The following ARL15 variants were observed in gnomAD, a reference collection of about 807,000 sequenced individuals.
The protein encoded by ARL15 is ADP-ribosylation factor-like protein 15.
In ARL15, 19 loss-of-function variants were observed where a neutral mutation model predicts 25.2. The observed-to-expected ratio is 0.75, with a 90% CI of 0.53 to 1.10. The LOEUF (loss-of-function observed/expected upper bound fraction) is 1.10, where lower values mean the gene tolerates loss of function less well. Among genes scored for constraint, ARL15 ranks in the 50% least tolerant of loss-of-function variants. ARL15 has a pLI of 0.00. For synonymous variants in ARL15, 94 were observed against 86.8 expected (o/e 1.08, Z -0.46); for missense variants, 220 against 246.0 (o/e 0.89, Z 0.71).
intron 4 of ARL15, among the ~76,000 whole-genome samples, chr5:53,993,222 C>G: frequency 6.6e-6 from 1 of 152,144 alleles, no homozygotes. Flanking sequence ...TAGTCGTTAG[C>G]CTTGGAACCA....
At chr5:54,061,867 G>C (rs1751072931) in intron 4 of ARL15, among the ~76,000 whole-genome samples, 1 of 152,146 alleles carries the variant, frequency 6.6e-6, no homozygotes, top group Non-Finnish European at 1.5e-5. Flanking sequence ...TCCTCTGACA[G>C]CTCACACCTT....
chr5:54,097,724 A>C (rs1478792821), intron 4 of ARL15, among the ~76,000 whole-genome samples: 7 of 152,226 alleles, frequency 4.6e-5, no homozygotes, highest in Non-Finnish European at 8.8e-5. Flanking sequence ...GGAGTAAAAG[A>C]AGAATAAGAT....
chr5:53,900,863 G>T (rs1745042642), intron 4 of ARL15, among the ~76,000 whole-genome samples: 1 of 152,164 alleles, frequency 6.6e-6, no homozygotes, highest in African/African-American at 2.4e-5. Context: ...AATGAATCGT[G>T]TTGCAAACAG....
chr5:53,992,557 A>G (rs1748536438), intron 4 of ARL15, among the ~76,000 whole-genome samples: 1 of 152,198 alleles, frequency 6.6e-6, no homozygotes, highest in Non-Finnish European at 1.5e-5. Context: ...TGCTTTCACA[A>G]TTTTGTATCT....
intron 4 of ARL15, among the ~76,000 whole-genome samples, chr5:54,090,736 A>T (rs999676357): frequency 2.0e-5 from 3 of 152,154 alleles, no homozygotes; most frequent in Non-Finnish European, 4.4e-5. Flanking sequence ...ATAAAAAAGG[A>T]TAATTATAAA....
intron 1 of ARL15, among the ~76,000 whole-genome samples, chr5:54,263,802 C>T (rs1038749023): frequency 5.3e-5 from 8 of 152,036 alleles, no homozygotes; most frequent in Non-Finnish European, 1.0e-4. Context: ...TTTTAGGCTG[C>T]AAAAATGTAT....
rs1751625542 is a variant in ARL15, at chr5:54,076,825, C to CT, written c.462+36376_462+36377insA. Among the ~76,000 whole-genome samples, 6 of 151,562 alleles carry CT rather than the reference C, an allele frequency of 4.0e-5. No homozygotes were observed. In the East Asian group the frequency reaches 1.2e-3, roughly 29 times the overall value. ...TTAATCCCCCAAACTATGTAGAAAA[C>CT]ATCCATGGAGGAAGACATCAGCGTT... On this transcript the variant is annotated intron_variant, in intron 4 of 4. Transcript: ENST00000504924.
chr5:54,017,389 T>G (rs1038069616), intron 4 of ARL15, among the ~76,000 whole-genome samples: 1 of 152,064 alleles, frequency 6.6e-6, no homozygotes, highest in Non-Finnish European at 1.5e-5. Context: ...TTCTAAGGCA[T>G]TGACACAGAG....
chr5:54,255,572 A>G (rs1757341863), intron 1 of ARL15, among the ~76,000 whole-genome samples: 1 of 152,228 alleles, frequency 6.6e-6, no homozygotes, highest in Admixed American at 6.5e-5. Context: ...AAGTATAAAT[A>G]ACAGGTTGAG....
At chr5:54,224,075 G>A (rs747284674) in intron 1 of ARL15, among the ~76,000 whole-genome samples, 3 of 152,248 alleles carry the variant, frequency 2.0e-5, no homozygotes, top group African/African-American at 7.2e-5. Flanking sequence ...GCCATACAAC[G>A]CAGGGACACA....
At chr5:54,001,933 T>C (rs1748861266) in intron 4 of ARL15, among the ~76,000 whole-genome samples, 1 of 152,214 alleles carries the variant, frequency 6.6e-6, no homozygotes, top group South Asian at 2.1e-4. Flanking sequence ...TTTATAATGA[T>C]ATGATTTATA....
intron 4 of ARL15, among the ~76,000 whole-genome samples, chr5:53,891,849 A>G (rs1744720558): frequency 6.6e-6 from 1 of 152,210 alleles, no homozygotes; most frequent in African/African-American, 2.4e-5. Flanking sequence ...ACGAGACTGG[A>G]GAGTGTGAGA....
chr5:53,926,949 T>A lies in ARL15; in HGVS notation c.463-40236A>T, dbSNP rs537865800. ...CTTCAGTCACCAAGACCTTTTTTTTTAAAAAAAAAAAATAAAGTCCAAAAG... is the reference window on the plus strand; with the variant it reads ...CTTCAGTCACCAAGACCTTTTTTTTAAAAAAAAAAAAATAAAGTCCAAAAG... On this transcript the variant is annotated intron_variant, in intron 4 of 4. Transcript: ENST00000504924. Among the ~76,000 whole-genome samples the A allele has an allele frequency of 3.4e-3, 466 of 136,202 alleles. 1 individual carries two copies. The highest frequency in any genetic ancestry group is 0.017 in the South Asian group (71 of 4,258). The allele number at this position is 136,202 out of a possible 152,430, so 89.4% of individuals were successfully genotyped here. A position where few individuals can be genotyped will look rare whatever the true frequency, so the allele number is the denominator to read the frequency against.
chr5:54,133,641 A>C (rs1753506738), intron 3 of ARL15, among the ~76,000 whole-genome samples: 1 of 152,206 alleles, frequency 6.6e-6, no homozygotes, highest in Non-Finnish European at 1.5e-5. Flanking sequence ...AAACAATGAC[A>C]AATCTAAGTC....
In ARL15 at chr5:53,911,517, G is replaced by A. The variant is rs114691748; in HGVS notation, c.463-24804C>T. 3.5e-3 allele frequency among the ~76,000 whole-genome samples: 528 copies of A among 152,004 alleles called. 6 individuals are homozygous for A. Among genetic ancestry groups the A allele is most frequent in the African/African-American group, 0.012 (502 of 41,454 alleles). On this transcript the variant is annotated intron_variant, in intron 4 of 4. Transcript: ENST00000504924. ...GATGTCATCTGGCATTTTTTAAATT[G>A]ATTGTTTCTCCAAAGTACCTTTAAC...
At chr5:54,058,113 C>A (rs1750944490) in intron 4 of ARL15, among the ~76,000 whole-genome samples, 1 of 151,750 alleles carries the variant, frequency 6.6e-6, no homozygotes, top group African/African-American at 2.4e-5. Context: ...TCAAGTGATT[C>A]CCCTGCCTCA....
At chr5:54,197,017 GT>G (rs1218563522) in intron 1 of ARL15, among the ~76,000 whole-genome samples, 1 of 152,036 alleles carries the variant, frequency 6.6e-6, no homozygotes, top group Non-Finnish European at 1.5e-5. Flanking sequence ...TTCTTCAATA[GT>G]AAAAACACCT....
intron 1 of ARL15, among the ~76,000 whole-genome samples, chr5:54,190,512 TGGAG>T (rs1478424710): frequency 6.6e-6 from 1 of 152,198 alleles, no homozygotes; most frequent in Non-Finnish European, 1.5e-5. Context: ...CTCACAGTTC[TGGAG>T]GCTGGAAAGT....
intron 4 of ARL15, among the ~76,000 whole-genome samples, chr5:53,890,796 A>G (rs1744684034): frequency 2.0e-5 from 3 of 152,226 alleles, no homozygotes; most frequent in South Asian, 2.1e-4. Flanking sequence ...AAGTCCCAAT[A>G]TAACAGAGAC....
Sources: gnomAD v4.1 joint callset for allele counts (sites outside exome capture counted in the v4.1 genomes callset) on GRCh38, gnomAD v4.1.1 for gene constraint, MANE v1.5 for transcripts, NCBI Gene and HGNC (gene_info 2026-07-23, HGNC 2026-07-21) for gene names.